LIMS1: variants seen among roughly 807,000 people sequenced by gnomAD.
LIMS1 encodes the protein LIM and senescent cell antigen-like-containing domain protein 1.
A neutral mutation model predicts 44.1 loss-of-function variants in LIMS1; 18 were observed. The ratio of observed to expected loss-of-function variants is 0.41; its 90% confidence interval spans 0.28 to 0.61. The LOEUF (loss-of-function observed/expected upper bound fraction) is 0.61. Ranked by LOEUF, LIMS1 falls within the 20% of genes least tolerant of loss-of-function variation. LIMS1 has a pLI of 0.32. For synonymous variants in LIMS1, 93 were observed against 149.1 expected, an observed-to-expected ratio of 0.62 and a Z score of 2.74; for missense variants, 201 against 422.0, an observed-to-expected ratio of 0.48 and a Z score of 4.59.
intron 7 of LIMS1, chr2:108,676,900 A>G: frequency 5.2e-6 from 3 of 573,858 alleles, no homozygotes; most frequent in Non-Finnish European, 8.8e-6. Context: ...ATTCAAGTCC[A>G]CAGTTTGCTT....
intron 1 of LIMS1, among the ~76,000 whole-genome samples, chr2:108,658,788 A>G (rs1353450443): frequency 3.3e-5 from 5 of 152,304 alleles, no homozygotes; most frequent in East Asian, 1.9e-4. Context: ...TTCCTAACCT[A>G]TGAAACGTGG....
chr2:108,686,790 A>G (rs1308213431), exon 10 of LIMS1: 9 of 151,490 alleles, frequency 5.9e-5, no homozygotes, highest in Admixed American at 5.9e-4. Context: ...AAAAAAAAAA[A>G]GTGTAAGTGG....
At chr2:108,667,551 A>ATATATATATATATATATAT (rs1553469851) in intron 2 of LIMS1, among the ~76,000 whole-genome samples, 1 of 130,484 alleles carries the variant, frequency 7.7e-6, no homozygotes, top group African/African-American at 2.9e-5. Flanking sequence ...AAAAAAAAAA[A>ATATATATATATATATATAT]ATATATATAT....
intron 1 of LIMS1, among the ~76,000 whole-genome samples, chr2:108,616,691 C>G (rs764795995): frequency 1.3e-5 from 2 of 152,060 alleles, no homozygotes; most frequent in African/African-American, 2.4e-5. Context: ...TGGACAGATG[C>G]TTCTGCCTTC....
rs1692872103 is a variant in LIMS1, at chr2:108,680,308, A to G, written c.824-387A>G. 2.7e-5 allele frequency among the ~76,000 whole-genome samples: 4 copies of G among 147,306 alleles called. No individual in the cohort carries two copies. The Admixed American group carries it at 2.8e-4, about 10-fold the overall frequency. ...CTTGAACCCAGGAGGCGGAGGTTGCAGTGAGCCGTGATTGCGCCACTGCAC... is the reference window on the plus strand; with the variant it reads ...CTTGAACCCAGGAGGCGGAGGTTGCGGTGAGCCGTGATTGCGCCACTGCAC... On this transcript the variant is annotated intron_variant, in intron 8 of 9. Coordinates refer to ENST00000544547, the Ensembl canonical transcript of LIMS1.
At chr2:108,539,075 G>T (rs896012073) in intron 1 of LIMS1, among the ~76,000 whole-genome samples, 7 of 152,162 alleles carry the variant, frequency 4.6e-5, no homozygotes, top group East Asian at 1.9e-4. Context: ...ATCTCTGCCA[G>T]AGTGTTTTTT....
At chr2:108,671,114 T>C (rs1692136321) in intron 3 of LIMS1, 1 of 452,880 alleles carries the variant, frequency 2.2e-6, no homozygotes, top group Admixed American at 3.8e-5. Context: ...GAGGTTGCAG[T>C]GAGCTGAGAT....
intron 1 of LIMS1, among the ~76,000 whole-genome samples, chr2:108,561,045 A>G (rs1248750525): frequency 6.6e-6 from 1 of 152,238 alleles, no homozygotes; most frequent in East Asian, 1.9e-4. Flanking sequence ...CCAGTAGCTC[A>G]GTGAAAAAAA....
chr2:108,635,228 C>T (rs1165489154), intron 1 of LIMS1, among the ~76,000 whole-genome samples: 3 of 151,578 alleles, frequency 2.0e-5, no homozygotes, highest in Non-Finnish European at 2.9e-5. Context: ...GTCAGGAGTT[C>T]GAGACCAGCC....
At chr2:108,635,156 C>T (rs1425611340) in intron 1 of LIMS1, among the ~76,000 whole-genome samples, 3 of 152,088 alleles carry the variant, frequency 2.0e-5, no homozygotes, top group African/African-American at 7.2e-5. Context: ...TGTGGCTGGG[C>T]GCGGTGACTC....
intron 1 of LIMS1, among the ~76,000 whole-genome samples, chr2:108,633,700 G>T (rs1393952037): frequency 6.6e-6 from 1 of 152,220 alleles, no homozygotes; most frequent in Non-Finnish European, 1.5e-5. Flanking sequence ...GGTTGGCCCA[G>T]AGTCATACAA....
intron 1 of LIMS1, among the ~76,000 whole-genome samples, chr2:108,618,716 T>A (rs1688066011): frequency 6.6e-6 from 1 of 151,510 alleles, no homozygotes; most frequent in South Asian, 2.1e-4. Flanking sequence ...TCCCAGCTAC[T>A]TGGGAGGCTG....
intron 9 of LIMS1, chr2:108,681,717 T>A: frequency 2.5e-6 from 1 of 405,614 alleles, no homozygotes; most frequent in Non-Finnish European, 3.3e-6. Context: ...GCCCAGGATT[T>A]TGAGACCAGC....
At chr2:108,567,917 T>G (rs938697219) in intron 1 of LIMS1, among the ~76,000 whole-genome samples, 4 of 152,138 alleles carry the variant, frequency 2.6e-5, no homozygotes, top group African/African-American at 9.7e-5. Flanking sequence ...TGGCAGGAGG[T>G]GCTACTTGCA....
intron 1 of LIMS1, among the ~76,000 whole-genome samples, chr2:108,658,731 C>G (rs1398295666): frequency 6.6e-6 from 1 of 152,292 alleles, no homozygotes; most frequent in Admixed American, 6.5e-5. Context: ...GGGGAATTTC[C>G]CACGTCACCA....
At chr2:108,557,504 C>A (rs1422590245) in intron 1 of LIMS1, among the ~76,000 whole-genome samples, 4 of 151,510 alleles carry the variant, frequency 2.6e-5, no homozygotes, top group Non-Finnish European at 5.9e-5. Context: ...CCTCATTAAT[C>A]AAAAAATAGT....
At chr2:108,553,887 A>G (rs1267097465) in intron 1 of LIMS1, among the ~76,000 whole-genome samples, 1 of 152,224 alleles carries the variant, frequency 6.6e-6, no homozygotes, top group Non-Finnish European at 1.5e-5. Context: ...TTACTCTTCT[A>G]CCATACGGAG....
chr2:108,618,097 T>C (rs559264834), intron 1 of LIMS1, among the ~76,000 whole-genome samples: 2 of 152,274 alleles, frequency 1.3e-5, no homozygotes, highest in South Asian at 2.1e-4. Context: ...GTCATAGATA[T>C]TGTATAGGGA....
At chr2:108,596,946 G>A (rs1231955630) in intron 1 of LIMS1, among the ~76,000 whole-genome samples, 1 of 84,124 alleles carries the variant, frequency 1.2e-5, no homozygotes, top group Non-Finnish European at 2.1e-5. Flanking sequence ...TTTGAGTCTT[G>A]CTCTGTTGCT....
Sources: allele counts gnomAD v4.1 joint callset (sites outside exome capture counted in the v4.1 genomes callset), GRCh38; gene constraint gnomAD v4.1.1; transcripts MANE v1.5; gene names NCBI Gene and HGNC (gene_info 2026-07-23, HGNC 2026-07-21).